Variants in AKT3 observed in about 807,000 individuals in gnomAD.
AKT3 encodes the protein RAC-gamma serine/threonine-protein kinase.
Under a neutral mutation model 65.3 loss-of-function variants are expected in AKT3, and 15 were observed. The ratio of observed to expected loss-of-function variants is 0.23; its 90% confidence interval spans 0.15 to 0.35. The LOEUF (loss-of-function observed/expected upper bound fraction) is 0.35. AKT3 is among the 10% of genes least tolerant of loss of function. AKT3 has a pLI of 1.00. For missense variants in AKT3, 243 were observed against 576.5 expected (o/e 0.42, Z 5.92); for synonymous variants, 206 against 183.8 (o/e 1.12, Z -0.98).
intron 8 of AKT3, among the ~76,000 whole-genome samples, chr1:243,586,606 G>T (rs754648262): frequency 2.0e-5 from 3 of 152,082 alleles, no homozygotes; most frequent in African/African-American, 7.2e-5. Context: ...GCCATTATCC[G>T]GAGTGAATTA....
At chr1:243,520,451 C>T (rs767926445) in intron 12 of AKT3, among the ~76,000 whole-genome samples, 23 of 152,202 alleles carry the variant, frequency 1.5e-4, no homozygotes, top group Non-Finnish European at 2.6e-4. Context: ...ACATTAATTT[C>T]CTATTTCAGC....
intron 6 of AKT3, among the ~76,000 whole-genome samples, chr1:243,615,628 A>G (rs1678244867): frequency 6.6e-6 from 1 of 152,238 alleles, no homozygotes; most frequent in African/African-American, 2.4e-5. Context: ...ATTAGTTATT[A>G]GAACACAGAA....
At chr1:243,622,679 C>T (rs1353099155) in intron 6 of AKT3, among the ~76,000 whole-genome samples, 1 of 152,190 alleles carries the variant, frequency 6.6e-6, no homozygotes, top group Non-Finnish European at 1.5e-5. Context: ...AACTCTAGAA[C>T]ATAAATCACT....
intron 2 of AKT3, among the ~76,000 whole-genome samples, chr1:243,761,285 A>G (rs1377150869): frequency 6.6e-6 from 1 of 152,204 alleles, no homozygotes; most frequent in Non-Finnish European, 1.5e-5. Context: ...AAGAGAAACA[A>G]ATTTTGAGAA....
intron 10 of AKT3, 56 bp downstream of exon 10, chr1:243,563,664 T>G: frequency 6.5e-7 from 1 of 1,538,164 alleles, no homozygotes. Flanking sequence ...TTAAATGGTT[T>G]ACTTTGCAAA....
intron 2 of AKT3, among the ~76,000 whole-genome samples, chr1:243,701,293 A>T (rs959327413): frequency 6.6e-6 from 1 of 152,198 alleles, no homozygotes; most frequent in Non-Finnish European, 1.5e-5. Flanking sequence ...TGACCTCACA[A>T]ATAGATCATG....
chr1:243,528,354 C>T (rs1383228383), intron 12 of AKT3, among the ~76,000 whole-genome samples: 2 of 152,064 alleles, frequency 1.3e-5, no homozygotes, highest in African/African-American at 2.4e-5. Context: ...GTGGCACACA[C>T]GTAGGTTTGT....
chr1:243,760,999 A>G (rs1252881048), intron 2 of AKT3, among the ~76,000 whole-genome samples: 1 of 152,212 alleles, frequency 6.6e-6, no homozygotes, highest in Admixed American at 6.5e-5. Flanking sequence ...AGAGACTTGC[A>G]AGAACCCAGC....
In AKT3 at chr1:243,843,150, C is replaced by A; in HGVS notation, c.21G>T (p.Val7=). 6.2e-7 allele frequency: 1 copy of A among 1,614,026 alleles called. No homozygotes were observed. Among genetic ancestry groups the A allele is most frequent in the African/African-American group, 1.3e-5 (1 of 75,040 alleles). MSDVTI[V]KEGWVQKRGE... ...CCCTCTTCTGAACCCAACCTTCTTT[C>A]ACAATGGTAACATCGCTCATGATGA... The change falls in exon 2 of 14, where the codon GTG becomes GTT. Residue 7 remains valine, a synonymous_variant. Coordinates refer to ENST00000673466, the MANE Select transcript of AKT3 (RefSeq NM_005465.7).
At chr1:243,686,762 G>A (rs1684356661) in intron 3 of AKT3, among the ~76,000 whole-genome samples, 1 of 139,736 alleles carries the variant, frequency 7.2e-6, no homozygotes, top group East Asian at 2.2e-4. Flanking sequence ...CCACCTCCCG[G>A]GTTCAAGCAA....
intron 2 of AKT3, among the ~76,000 whole-genome samples, chr1:243,704,236 G>A (rs1372805850): frequency 4.6e-5 from 7 of 151,776 alleles, no homozygotes; most frequent in East Asian, 1.9e-4. Flanking sequence ...TAAGAAAAAC[G>A]GGCTAACAGT....
At chr1:243,785,664 A>G (rs995678227) in intron 2 of AKT3, among the ~76,000 whole-genome samples, 1 of 152,178 alleles carries the variant, frequency 6.6e-6, no homozygotes, top group Non-Finnish European at 1.5e-5. Flanking sequence ...TGTTGGCTAG[A>G]TGTGTCGTAG....
rs11440720 is a variant in AKT3, at chr1:243,795,476, G to GTTTTT, written c.46+47644_46+47648dup. On this transcript the variant is annotated intron_variant, in intron 2 of 13. Transcript: ENST00000673466. ...TTTTTTTTTTTGTTTTTTTTTTTTG[G>GTTTTT]TTTTTTTTTTTTTGAGACGGAGTCT... Among the ~76,000 whole-genome samples the GTTTTT allele has an allele frequency of 2.5e-3, 278 of 109,738 alleles. 7 individuals carry two copies. Among genetic ancestry groups the GTTTTT allele is most frequent in the Non-Finnish European group, 3.5e-3 (196 of 56,490 alleles). The allele number at this position is 109,738 out of a possible 152,430, so 72.0% of individuals were successfully genotyped here.
intron 2 of AKT3, among the ~76,000 whole-genome samples, chr1:243,753,198 A>G (rs545251685): frequency 1.6e-4 from 24 of 152,354 alleles, no homozygotes; most frequent in African/African-American, 5.5e-4. Flanking sequence ...AACCTTTTTA[A>G]AAGTAATTAA....
intron 13 of AKT3, among the ~76,000 whole-genome samples, chr1:243,508,172 G>A (rs1449090085): frequency 2.6e-5 from 4 of 152,186 alleles, no homozygotes; most frequent in Non-Finnish European, 5.9e-5. Context: ...TGTAATCACC[G>A]TTCAAGGTTT....
intron 4 of AKT3, among the ~76,000 whole-genome samples, chr1:243,652,289 A>G (rs952307837): frequency 2.0e-5 from 3 of 152,054 alleles, no homozygotes; most frequent in Admixed American, 1.3e-4. Flanking sequence ...ACCTCAGGTG[A>G]TCCACCCGCC....
chr1:243,723,694 G>A (rs1441167649), intron 2 of AKT3, among the ~76,000 whole-genome samples: 2 of 152,176 alleles, frequency 1.3e-5, no homozygotes, highest in Non-Finnish European at 2.9e-5. Flanking sequence ...GGGAGGCCAA[G>A]GTGGGAGGGC....
intron 7 of AKT3, 34 bp downstream of exon 7, chr1:243,615,062 T>C: frequency 1.4e-6 from 2 of 1,417,974 alleles, no homozygotes; most frequent in Non-Finnish European, 2.0e-6. Context: ...ATTTCAAATG[T>C]TACGATTATA....
chr1:243,719,199 A>AC (rs1686718024), intron 2 of AKT3, among the ~76,000 whole-genome samples: 2 of 152,188 alleles, frequency 1.3e-5, no homozygotes, highest in Non-Finnish European at 2.9e-5. Flanking sequence ...TTTTAAAAAA[A>AC]CCGATAGTGT....
Sources: allele counts gnomAD v4.1 joint callset (sites outside exome capture counted in the v4.1 genomes callset), GRCh38; gene constraint gnomAD v4.1.1; transcripts MANE v1.5; gene names NCBI Gene and HGNC (gene_info 2026-07-23, HGNC 2026-07-21).